Variants in LRP1B observed in about 807,000 individuals in gnomAD.
LRP1B encodes the protein low-density lipoprotein receptor-related protein 1B.
A neutral mutation model predicts 556.6 loss-of-function variants in LRP1B; 217 were observed. That is an observed-to-expected ratio of 0.39 (90% CI 0.35 to 0.44). The LOEUF (loss-of-function observed/expected upper bound fraction) is 0.44. Among genes scored for constraint, LRP1B ranks in the 20% least tolerant of loss-of-function variants. The probability of loss-of-function intolerance (pLI) is 1.00; values close to 1 mark genes in which losing one functional copy is unlikely to be tolerated. For synonymous variants in LRP1B, 2,047 were observed against 1,865.8 expected, an observed-to-expected ratio of 1.10 and a Z score of -2.50; for missense variants, 5,053 against 5,620.8, an observed-to-expected ratio of 0.90 and a Z score of 3.23.
intron 2 of LRP1B, among the ~76,000 whole-genome samples, chr2:141,510,063 A>G (rs1160583700): frequency 6.6e-6 from 1 of 152,122 alleles, no homozygotes; most frequent in South Asian, 2.1e-4. Context: ...CAATTCAGAA[A>G]AAAAAGTACT....
intron 18 of LRP1B, among the ~76,000 whole-genome samples, chr2:140,976,131 G>A (rs1696588711): frequency 6.6e-6 from 1 of 151,802 alleles, no homozygotes; most frequent in Non-Finnish European, 1.5e-5. Flanking sequence ...TGTTTCTCAG[G>A]CTGGTCTGGA....
At chr2:141,975,453 A>G (rs1387848848) in intron 1 of LRP1B, among the ~76,000 whole-genome samples, 3 of 152,058 alleles carry the variant, frequency 2.0e-5, no homozygotes, top group African/African-American at 7.2e-5. Flanking sequence ...AATTTTCAGC[A>G]GGCGCTATCC....
At chr2:141,374,405 C>T (rs2105599295) in intron 3 of LRP1B, among the ~76,000 whole-genome samples, 1 of 152,250 alleles carries the variant, frequency 6.6e-6, no homozygotes, top group South Asian at 2.1e-4. Context: ...TCTCCTATAT[C>T]TGAATGTCTA....
chr2:140,509,843 G>A (rs1689577277), intron 52 of LRP1B, 85 bp downstream of exon 52: 2 of 1,532,340 alleles, frequency 1.3e-6, no homozygotes, highest in Non-Finnish European at 1.8e-6. Flanking sequence ...AATGGGAAAT[G>A]TGCTATGGCA....
chr2:140,943,644 C>T (rs1695462515), intron 20 of LRP1B, among the ~76,000 whole-genome samples: 1 of 152,036 alleles, frequency 6.6e-6, no homozygotes, highest in African/African-American at 2.4e-5. Context: ...TACATGGAAA[C>T]TAAACAACTT....
At position 141,639,349 on chromosome 2, in the gene LRP1B, T is replaced by TATACACACAC. The variant is rs1262198983; in HGVS notation, c.206-158817_206-158816insGTGTGTGTAT. ...ATATATATATATATATATATATATA[T>TATACACACAC]ACACACACACACACATATATATATA... On this transcript the variant is annotated intron_variant, in intron 2 of 90. Coordinates refer to ENST00000389484, the MANE Select transcript of LRP1B (RefSeq NM_018557.3). Among the ~76,000 whole-genome samples, 371 of 55,966 alleles carry TATACACACAC rather than the reference T, an allele frequency of 6.6e-3. 2 individuals carry two copies. The highest frequency in any genetic ancestry group is 8.9e-3 in the Non-Finnish European group (278 of 31,222). The allele number at this position is 55,966 out of a possible 152,430, so 36.7% of individuals were successfully genotyped here.
chr2:140,745,955 T>G (rs1454064522), intron 35 of LRP1B, among the ~76,000 whole-genome samples: 1 of 152,140 alleles, frequency 6.6e-6, no homozygotes, highest in Admixed American at 6.6e-5. Context: ...GAGATTGTGA[T>G]ATGCATTCCA....
intron 18 of LRP1B, among the ~76,000 whole-genome samples, chr2:140,964,167 A>C (rs536380735): frequency 1.1e-4 from 16 of 152,140 alleles, no homozygotes; most frequent in Non-Finnish European, 2.1e-4. Flanking sequence ...AGAGAAAGAC[A>C]GCTTACGCCA....
intron 2 of LRP1B, among the ~76,000 whole-genome samples, chr2:141,801,624 A>C (rs1471863047): frequency 2.0e-5 from 3 of 152,086 alleles, no homozygotes; most frequent in African/African-American, 4.8e-5. Flanking sequence ...TGCAGTACAG[A>C]ATTTTTCAGT....
intron 3 of LRP1B, among the ~76,000 whole-genome samples, chr2:141,350,983 C>T (rs1688423615): frequency 6.6e-6 from 1 of 151,900 alleles, no homozygotes; most frequent in Non-Finnish European, 1.5e-5. Flanking sequence ...TGTATAATGA[C>T]AAGAATTTAA....
At chr2:140,910,767 A>G (rs1211004618) in intron 21 of LRP1B, among the ~76,000 whole-genome samples, 1 of 151,840 alleles carries the variant, frequency 6.6e-6, no homozygotes, top group Non-Finnish European at 1.5e-5. Context: ...CTATTAGATA[A>G]AGATCAAAAA....
At chr2:141,319,823 C>G (rs1687174238) in intron 3 of LRP1B, among the ~76,000 whole-genome samples, 1 of 151,976 alleles carries the variant, frequency 6.6e-6, no homozygotes, top group South Asian at 2.1e-4. Flanking sequence ...TGCTGGGTTA[C>G]AAGAAAAGGA....
chr2:140,876,034 T>C (rs1693293810), intron 25 of LRP1B, among the ~76,000 whole-genome samples: 1 of 152,136 alleles, frequency 6.6e-6, no homozygotes, highest in South Asian at 2.1e-4. Context: ...GCTATAAAAC[T>C]CTAACAGATG....
At chr2:140,355,990 A>T (rs1452220626) in intron 75 of LRP1B, among the ~76,000 whole-genome samples, 1 of 151,910 alleles carries the variant, frequency 6.6e-6, no homozygotes, top group Admixed American at 6.6e-5. Context: ...CACTCAAGAG[A>T]AATGGGTCAT....
chr2:140,270,461 G>C (rs1000805821), intron 85 of LRP1B, 115 bp from the exon 86 acceptor site: 12 of 653,064 alleles, frequency 1.8e-5, no homozygotes, highest in Non-Finnish European at 3.2e-5. Context: ...AGATGGAGTG[G>C]CTGGTTAAAA....
chr2:141,551,012 AGT>A (rs1685731652), intron 2 of LRP1B, among the ~76,000 whole-genome samples: 1 of 152,112 alleles, frequency 6.6e-6, no homozygotes, highest in Admixed American at 6.6e-5. Flanking sequence ...ATACTGAATA[AGT>A]ACATTTTACT....
intron 1 of LRP1B, among the ~76,000 whole-genome samples, chr2:141,815,845 T>C (rs2381151): frequency 0.56 from 85,094 of 151,588 alleles, 24,980 homozygotes; most frequent in African/African-American, 0.74. Flanking sequence ...ACACTCACTA[T>C]TAAGGTCCGT....
In LRP1B at chr2:141,729,834, C is replaced by A. The variant is rs150915763; in HGVS notation, c.205+80445G>T. ...TGGAGTAAAACAGTGGGGTGAAGAA[C>A]CCATTTCTATAGAAAATAATCCTTA... On this transcript the variant is annotated intron_variant, in intron 2 of 90. Transcript: ENST00000389484. Among the ~76,000 whole-genome samples the A allele has an allele frequency of 2.6e-5, 4 of 152,152 alleles. No homozygotes were observed. In the East Asian group the frequency reaches 7.7e-4, roughly 29 times the overall value.
At chr2:141,931,870 T>G (rs1203721166) in intron 1 of LRP1B, among the ~76,000 whole-genome samples, 1 of 152,048 alleles carries the variant, frequency 6.6e-6, no homozygotes, top group Non-Finnish European at 1.5e-5. Context: ...CAGACAGTGA[T>G]GGAGTAAACA....
Sources: allele counts gnomAD v4.1 joint callset (sites outside exome capture counted in the v4.1 genomes callset), GRCh38; gene constraint gnomAD v4.1.1; transcripts MANE v1.5; gene names NCBI Gene and HGNC (gene_info 2026-07-23, HGNC 2026-07-21).